TEKTL1: variants seen among roughly 807,000 people sequenced by gnomAD.
TEKTL1 encodes tektin-like protein 1.
the TEKTL1 span, among the ~76,000 whole-genome samples, chr19:15,016,925 G>A: frequency 3.3e-5 from 5 of 152,132 alleles, no homozygotes; most frequent in Admixed American, 1.3e-4. Flanking sequence ...GGCAAAACTC[G>A]GCTGGGTGCA....
At chr19:15,012,505 T>C in the TEKTL1 span, among the ~76,000 whole-genome samples, 2 of 151,834 alleles carry the variant, frequency 1.3e-5, no homozygotes, top group African/African-American at 4.8e-5. Context: ...AAGGCTGTAG[T>C]GAAATATGAT....
At chr19:15,013,821 C>T in the TEKTL1 span, 6 of 1,283,646 alleles carry the variant, frequency 4.7e-6, no homozygotes, top group Admixed American at 7.3e-5. Context: ...GAGGGGGATC[C>T]CTGGCTGCCT....
the TEKTL1 span, among the ~76,000 whole-genome samples, chr19:15,011,658 C>CG: frequency 6.7e-6 from 1 of 149,896 alleles, no homozygotes; most frequent in Admixed American, 6.7e-5. Flanking sequence ...CACTTGAACC[C>CG]GGGAGGCAGA....
At chr19:15,017,490 G>T in the TEKTL1 span, among the ~76,000 whole-genome samples, 1 of 152,128 alleles carries the variant, frequency 6.6e-6, no homozygotes, top group Non-Finnish European at 1.5e-5. Flanking sequence ...GCGGGATGCT[G>T]TCCAGATGAG....
chr19:15,012,934 CCA>C, the TEKTL1 span, among the ~76,000 whole-genome samples: 2 of 151,864 alleles, frequency 1.3e-5, no homozygotes, highest in African/African-American at 4.8e-5. Flanking sequence ...AAACTCCCCC[CCA>C]GAATGTTAAA....
chr19:15,021,791 A>AC, the TEKTL1 span: 1 of 1,613,396 alleles, frequency 6.2e-7, no homozygotes, highest in Non-Finnish European at 8.5e-7. Context: ...GCGCTTGCAC[A>AC]CCGCACCCCA....
the TEKTL1 span, among the ~76,000 whole-genome samples, chr19:15,014,731 C>CGGGGG: frequency 3.4e-4 from 4 of 11,738 alleles, no homozygotes; most frequent in Non-Finnish European, 5.8e-4. Context: ...AGTGGGGGGG[C>CGGGGG]GGGGGGCGGG....
chr19:15,015,529 A>ATTCCACCCTTCCACCC, the TEKTL1 span, among the ~76,000 whole-genome samples: 1 of 151,784 alleles, frequency 6.6e-6, no homozygotes, highest in South Asian at 2.1e-4. Context: ...CAATCCTATA[A>ATTCCACCCTTCCACCC]TTCCACCCTT....
At chr19:15,021,483 G>C in the TEKTL1 span, 2 of 1,614,168 alleles carry the variant, frequency 1.2e-6, no homozygotes, top group African/African-American at 1.3e-5. Context: ...TGTGTGCCTC[G>C]CTGGCGCAGA....
the TEKTL1 span, chr19:15,021,989 C>A: frequency 8.1e-7 from 1 of 1,227,182 alleles, no homozygotes; most frequent in Admixed American, 1.9e-5. Context: ...TCAAGCACAT[C>A]TGGACCAGGT....
the TEKTL1 span, chr19:15,021,978 C>G: frequency 7.5e-7 from 1 of 1,332,740 alleles, no homozygotes; most frequent in South Asian, 1.2e-5. Context: ...AGGCTCCTTC[C>G]TCAAGCACAT....
chr19:15,013,040 C>T, the TEKTL1 span, among the ~76,000 whole-genome samples: 5 of 152,218 alleles, frequency 3.3e-5, no homozygotes, highest in African/African-American at 9.6e-5. Flanking sequence ...CAGAGAGAGA[C>T]TTCAGACTCC....
the TEKTL1 span, chr19:15,021,480 C>T: frequency 6.2e-7 from 1 of 1,614,216 alleles, no homozygotes; most frequent in Admixed American, 1.7e-5. Context: ...GTGTGTGTGC[C>T]TCGCTGGCGC....
chr19:15,011,746 A>AAT, the TEKTL1 span, among the ~76,000 whole-genome samples: 2 of 151,962 alleles, frequency 1.3e-5, no homozygotes, highest in African/African-American at 4.8e-5. Flanking sequence ...AAAAAAAAAA[A>AAT]AAAAAATATT....
chr19:15,013,365 G>A, the TEKTL1 span, among the ~76,000 whole-genome samples: 1 of 152,110 alleles, frequency 6.6e-6, no homozygotes, highest in East Asian at 1.9e-4. Flanking sequence ...CCCAGCCTCA[G>A]GGGGTGAGAA....
the TEKTL1 span, chr19:15,010,898 G>C: frequency 6.4e-7 from 1 of 1,568,352 alleles, no homozygotes; most frequent in Non-Finnish European, 8.6e-7. Flanking sequence ...GCGCGAGGCA[G>C]CTCAGGCCAT....
the TEKTL1 span, chr19:15,022,894 C>T: frequency 6.3e-7 from 1 of 1,599,086 alleles, no homozygotes; most frequent in Non-Finnish European, 8.5e-7. Flanking sequence ...TGCAGTGCCA[C>T]ATCACGTACC....
the TEKTL1 span, among the ~76,000 whole-genome samples, chr19:15,019,824 C>A: frequency 6.6e-6 from 1 of 151,364 alleles, no homozygotes; most frequent in Non-Finnish European, 1.5e-5. Flanking sequence ...CCTGTCTTTA[C>A]AAAAAAATAA....
chr19:15,014,407 C>T, the TEKTL1 span, among the ~76,000 whole-genome samples: 28 of 152,024 alleles, frequency 1.8e-4, no homozygotes, highest in African/African-American at 5.3e-4. Context: ...AAAGTGGTGA[C>T]TGAGAAAGAA....
Sources: gnomAD v4.1 joint callset for allele counts (sites outside exome capture counted in the v4.1 genomes callset) on GRCh38, gnomAD v4.1.1 for gene constraint, MANE v1.5 for transcripts, NCBI Gene and HGNC (gene_info 2026-07-23, HGNC 2026-07-21) for gene names.